Variants in LINGO2 observed in about 807,000 individuals in gnomAD.
The protein encoded by LINGO2 is leucine-rich repeat and immunoglobulin-like domain-containing nogo receptor-interacting protein 2.
LINGO2 carries 14 observed loss-of-function variants against 30.6 expected under a neutral mutation model. The observed-to-expected ratio is 0.46, with a 90% confidence interval of 0.30 to 0.72. LINGO2 has a LOEUF of 0.72. Among genes scored for constraint, LINGO2 ranks in the 30% least tolerant of loss-of-function variants. The probability of loss-of-function intolerance (pLI) is 0.07; values close to 1 mark genes in which losing one functional copy is unlikely to be tolerated. For synonymous variants in LINGO2, 317 were observed against 288.5 expected (o/e 1.10, Z -1.00); for missense variants, 729 against 751.7 (o/e 0.97, Z 0.35).
the LINGO2 span, among the ~76,000 whole-genome samples, chr9:28,886,732 A>T: frequency 1.3e-5 from 2 of 152,118 alleles, no homozygotes; most frequent in Non-Finnish European, 2.9e-5. Context: ...AGCTAGTGTC[A>T]TCTACAGAAT....
chr9:29,096,098 G>T, the LINGO2 span, among the ~76,000 whole-genome samples: 1 of 138,172 alleles, frequency 7.2e-6, no homozygotes, highest in Non-Finnish European at 1.6e-5. Context: ...GATGAGGTTG[G>T]ATTTTTATTT....
At chr9:28,968,691 T>C in the LINGO2 span, among the ~76,000 whole-genome samples, 1 of 152,176 alleles carries the variant, frequency 6.6e-6, no homozygotes, top group East Asian at 1.9e-4. Context: ...AGTCCTTTTT[T>C]AGGTATTAAA....
At chr9:29,089,384 C>T in the LINGO2 span, among the ~76,000 whole-genome samples, 1 of 151,858 alleles carries the variant, frequency 6.6e-6, no homozygotes, top group Admixed American at 6.6e-5. Flanking sequence ...AACAGCTATG[C>T]AGTAGTAGTA....
intron 4 of LINGO2, among the ~76,000 whole-genome samples, chr9:28,275,601 T>TA (rs1351818315): frequency 2.0e-5 from 3 of 152,180 alleles, no homozygotes; most frequent in Admixed American, 2.0e-4. Flanking sequence ...GAACTAGGCA[T>TA]ATTATCTCTT....
the LINGO2 span, among the ~76,000 whole-genome samples, chr9:29,194,559 TTAAAG>T: frequency 3.3e-3 from 498 of 152,288 alleles, 1 homozygote; most frequent in African/African-American, 9.8e-3. Context: ...CTTTGATTTT[TTAAAG>T]TAAAGTTCAG....
chr9:28,644,847 AT>A (rs200361389), intron 1 of LINGO2, among the ~76,000 whole-genome samples: 3 of 152,040 alleles, frequency 2.0e-5, no homozygotes, highest in Non-Finnish European at 4.4e-5. Context: ...CATAAATCAA[AT>A]TTTTTTAAAA....
intron 2 of LINGO2, among the ~76,000 whole-genome samples, chr9:28,405,795 C>G (rs1338061606): frequency 6.6e-6 from 1 of 152,124 alleles, no homozygotes; most frequent in Non-Finnish European, 1.5e-5. Flanking sequence ...TTTCCCACCT[C>G]CAATCAATAC....
intron 2 of LINGO2, among the ~76,000 whole-genome samples, chr9:28,387,308 T>C (rs956538332): frequency 6.6e-6 from 1 of 152,130 alleles, no homozygotes; most frequent in Non-Finnish European, 1.5e-5. Context: ...CAATCAGCAC[T>C]ATAAAAACGC....
chr9:28,840,095 A>C, the LINGO2 span, among the ~76,000 whole-genome samples: 1 of 152,000 alleles, frequency 6.6e-6, no homozygotes, highest in Non-Finnish European at 1.5e-5. Context: ...GGGAGGGGCT[A>C]GGCAACAGGA....
chr9:28,884,803 T>C, the LINGO2 span, among the ~76,000 whole-genome samples: 2 of 143,978 alleles, frequency 1.4e-5, no homozygotes, highest in Non-Finnish European at 3.0e-5. Context: ...ATATATATTC[T>C]TTAGCAGTAT....
At chr9:27,979,295 T>A (rs1243326287) in intron 5 of LINGO2, among the ~76,000 whole-genome samples, 1 of 151,974 alleles carries the variant, frequency 6.6e-6, no homozygotes, top group Non-Finnish European at 1.5e-5. Flanking sequence ...ATCTTACTGG[T>A]CCTCAGTTAC....
At chr9:28,690,845 C>G in the LINGO2 span, among the ~76,000 whole-genome samples, 1 of 152,136 alleles carries the variant, frequency 6.6e-6, no homozygotes, top group South Asian at 2.1e-4. Flanking sequence ...TAGCTTAATT[C>G]CATTTGCATA....
intron 2 of LINGO2, among the ~76,000 whole-genome samples, chr9:28,391,719 C>G (rs1240273572): frequency 6.6e-6 from 1 of 151,734 alleles, no homozygotes; most frequent in Non-Finnish European, 1.5e-5. Flanking sequence ...TTAATTAAAG[C>G]CTGACCCCTC....
At chr9:28,991,997 A>T in the LINGO2 span, among the ~76,000 whole-genome samples, 1 of 152,112 alleles carries the variant, frequency 6.6e-6, no homozygotes, top group Non-Finnish European at 1.5e-5. Flanking sequence ...AATGACAGAA[A>T]CAAATTCACA....
chr9:28,376,647 C>G (rs1057106408), intron 2 of LINGO2, among the ~76,000 whole-genome samples: 3 of 152,256 alleles, frequency 2.0e-5, no homozygotes, highest in Admixed American at 6.5e-5. Context: ...CTACAAAGAC[C>G]GGACTCCCTT....
chr9:28,325,176 T>C lies in LINGO2; in HGVS notation c.-245-29810A>G, dbSNP rs190410313. 4.7e-3 allele frequency among the ~76,000 whole-genome samples: 694 copies of C among 146,280 alleles called. 3 individuals are homozygous for C. The highest frequency in any genetic ancestry group is 0.014 in the Middle Eastern group (4 of 292). On this transcript the variant is annotated intron_variant, in intron 3 of 5. Coordinates refer to ENST00000379992, the Ensembl canonical transcript of LINGO2. ...AACTTTAGACAGGTTTGTTCCTGAT[T>C]ATAGGCCCCTGAATTCTCTTTCCTT...
chr9:29,121,987 A>G, the LINGO2 span, among the ~76,000 whole-genome samples: 1 of 152,126 alleles, frequency 6.6e-6, no homozygotes, highest in Non-Finnish European at 1.5e-5. Flanking sequence ...AGTAAGTATC[A>G]GAAGAAAAAG....
At chr9:29,039,947 AT>A in the LINGO2 span, among the ~76,000 whole-genome samples, 2 of 151,942 alleles carry the variant, frequency 1.3e-5, no homozygotes, top group Admixed American at 6.6e-5. Context: ...TCAAATTTTC[AT>A]TTTTTTCTCC....
chr9:28,170,388 C>A (rs1828550217), intron 4 of LINGO2, among the ~76,000 whole-genome samples: 1 of 152,102 alleles, frequency 6.6e-6, no homozygotes, highest in South Asian at 2.1e-4. Context: ...TGGCTATCCA[C>A]TGAGGCTATT....
Sources: allele counts gnomAD v4.1 joint callset (sites outside exome capture counted in the v4.1 genomes callset), GRCh38; gene constraint gnomAD v4.1.1; transcripts MANE v1.5; gene names NCBI Gene and HGNC (gene_info 2026-07-23, HGNC 2026-07-21).